The following TRAPPC9 variants were observed in gnomAD, a reference collection of about 807,000 sequenced individuals.
TRAPPC9 encodes the protein IKK2 binding protein.
TRAPPC9 carries 83 observed loss-of-function variants against 124.0 expected under a neutral mutation model. The ratio of observed to expected loss-of-function variants is 0.67; its 90% CI spans 0.56 to 0.80. The LOEUF is 0.80. TRAPPC9 is among the 30% of genes least tolerant of loss of function. The probability of loss-of-function intolerance (pLI) is 0.00; values close to 1 mark genes in which losing one functional copy is unlikely to be tolerated. For synonymous variants in TRAPPC9, 638 were observed against 617.5 expected, an observed-to-expected ratio of 1.03 and a Z score of -0.49; for missense variants, 1,302 against 1,508.3, an observed-to-expected ratio of 0.86 and a Z score of 2.27.
chr8:139,922,834 C>G (rs915889797), intron 19 of TRAPPC9, among the ~76,000 whole-genome samples: 1 of 152,214 alleles, frequency 6.6e-6, no homozygotes, highest in African/African-American at 2.4e-5. Context: ...ACACGAAGCT[C>G]AGGCCCAGAG....
intron 21 of TRAPPC9, among the ~76,000 whole-genome samples, chr8:139,830,346 G>A (rs112682220): frequency 0.15 from 21,808 of 146,604 alleles, 1,955 homozygotes; most frequent in African/African-American, 0.25. Context: ...ATATACACAC[G>A]CAATTACACA....
chr8:139,731,883 G>A, intron 22 of TRAPPC9, 96 bp downstream of exon 22: 1 of 1,143,978 alleles, frequency 8.7e-7, no homozygotes, highest in Non-Finnish European at 1.3e-6. Context: ...ATCGTCTGCT[G>A]GACATATGCT....
intron 17 of TRAPPC9, among the ~76,000 whole-genome samples, chr8:140,145,285 T>C (rs1262304662): frequency 1.3e-5 from 2 of 151,970 alleles, no homozygotes; most frequent in Non-Finnish European, 2.9e-5. Flanking sequence ...CTAATTAATA[T>C]ACCTCTTTTT....
At chr8:140,203,802 T>C (rs1485931314) in intron 17 of TRAPPC9, among the ~76,000 whole-genome samples, 1 of 152,216 alleles carries the variant, frequency 6.6e-6, no homozygotes, top group Admixed American at 6.5e-5. Context: ...AGGAAGAGTC[T>C]GCAGAACTTC....
chr8:139,890,277 T>C (rs1303344851), intron 20 of TRAPPC9, among the ~76,000 whole-genome samples: 2 of 152,258 alleles, frequency 1.3e-5, no homozygotes, highest in Non-Finnish European at 2.9e-5. Flanking sequence ...TACGGGCATC[T>C]GGCCATTCGT....
intron 21 of TRAPPC9, among the ~76,000 whole-genome samples, chr8:139,870,878 T>C (rs4736108): frequency 0.26 from 39,426 of 152,146 alleles, 5,922 homozygotes; most frequent in Admixed American, 0.36. Context: ...CTTAGTGCAC[T>C]GGCTTGCAGG....
At chr8:140,406,521 T>C (rs1047475716) in intron 5 of TRAPPC9, among the ~76,000 whole-genome samples, 1 of 152,226 alleles carries the variant, frequency 6.6e-6, no homozygotes, top group Non-Finnish European at 1.5e-5. Flanking sequence ...CACACTGCCC[T>C]CATCCCCTGT....
At chr8:140,155,227 A>G (rs543250852) in intron 17 of TRAPPC9, among the ~76,000 whole-genome samples, 2 of 152,248 alleles carry the variant, frequency 1.3e-5, no homozygotes, top group Non-Finnish European at 2.9e-5. Context: ...ACTCAAAGAC[A>G]GAGAGGCTTA....
intron 5 of TRAPPC9, among the ~76,000 whole-genome samples, chr8:140,419,862 G>A (rs964361311): frequency 1.3e-5 from 2 of 152,028 alleles, no homozygotes; most frequent in African/African-American, 2.4e-5. Flanking sequence ...CTCCAGATCG[G>A]GGGACAGAGT....
At chr8:139,958,273 G>C (rs1835129750) in intron 19 of TRAPPC9, among the ~76,000 whole-genome samples, 2 of 152,230 alleles carry the variant, frequency 1.3e-5, no homozygotes, top group Admixed American at 1.3e-4. Context: ...TGAGCTGGCA[G>C]GTGTGTGTCT....
At chr8:140,321,444 G>A (rs909642079) in intron 9 of TRAPPC9, among the ~76,000 whole-genome samples, 7 of 152,186 alleles carry the variant, frequency 4.6e-5, no homozygotes, top group African/African-American at 1.7e-4. Flanking sequence ...TGGCCTTTGC[G>A]CACTAACAAT....
At chr8:139,812,503 G>C (rs1015331220) in intron 21 of TRAPPC9, among the ~76,000 whole-genome samples, 1 of 152,182 alleles carries the variant, frequency 6.6e-6, no homozygotes, top group African/African-American at 2.4e-5. Flanking sequence ...TTGCAGAAGC[G>C]CCTCTGAGGA....
chr8:139,857,396 C>T (rs951346973), intron 21 of TRAPPC9, among the ~76,000 whole-genome samples: 1 of 152,216 alleles, frequency 6.6e-6, no homozygotes, highest in African/African-American at 2.4e-5. Flanking sequence ...TGCGATTCTC[C>T]CCACATCCCA....
chr8:139,837,441 G>A (rs1826434336), intron 21 of TRAPPC9, among the ~76,000 whole-genome samples: 1 of 152,164 alleles, frequency 6.6e-6, no homozygotes, highest in Admixed American at 6.5e-5. Context: ...CAACTGGATG[G>A]GACCAAAGAG....
chr8:140,157,047 T>C (rs1323532896), intron 17 of TRAPPC9, among the ~76,000 whole-genome samples: 5 of 94,226 alleles, frequency 5.3e-5, no homozygotes, highest in African/African-American at 1.3e-4. Context: ...GCCTCCCTTT[T>C]CCATTCAAAA....
At chr8:140,017,824 A>C (rs1367631491) in intron 18 of TRAPPC9, among the ~76,000 whole-genome samples, 5 of 152,154 alleles carry the variant, frequency 3.3e-5, no homozygotes, top group Non-Finnish European at 5.9e-5. Flanking sequence ...AGAAAAACTA[A>C]TTCTTCCAAT....
intron 20 of TRAPPC9, among the ~76,000 whole-genome samples, chr8:139,895,040 A>C (rs1830576680): frequency 6.6e-6 from 1 of 152,190 alleles, no homozygotes; most frequent in Admixed American, 6.5e-5. Flanking sequence ...AAAGAACCAG[A>C]AACCGGAGGG....
chr8:139,928,965 C>G (rs560669507), intron 19 of TRAPPC9, among the ~76,000 whole-genome samples: 1 of 152,044 alleles, frequency 6.6e-6, no homozygotes, highest in South Asian at 2.1e-4. Context: ...GCATCACGCC[C>G]CTCGATGTTG....
At chr8:140,057,689 C>T (rs1299861266) in intron 17 of TRAPPC9, among the ~76,000 whole-genome samples, 1 of 152,124 alleles carries the variant, frequency 6.6e-6, no homozygotes. Flanking sequence ...AGAGGGGAAA[C>T]GGACAGTTGT....
Sources: allele counts gnomAD v4.1 joint callset (sites outside exome capture counted in the v4.1 genomes callset), GRCh38; gene constraint gnomAD v4.1.1; transcripts MANE v1.5; gene names NCBI Gene and HGNC (gene_info 2026-07-23, HGNC 2026-07-21).